AK7: variants seen among roughly 807,000 people sequenced by gnomAD.
AK7 encodes the protein adenylate kinase 7.
In AK7, 78 loss-of-function variants were observed where a neutral mutation model predicts 96.6. The observed-to-expected ratio is 0.81, with a 90% CI of 0.67 to 0.97. The LOEUF (loss-of-function observed/expected upper bound fraction) is 0.97, where lower values mean the gene tolerates loss of function less well. AK7 is among the 50% of genes least tolerant of loss of function. The pLI is 0.00. For synonymous variants in AK7, 302 were observed against 317.2 expected, an observed-to-expected ratio of 0.95 and a Z score of 0.51; for missense variants, 855 against 887.9, an observed-to-expected ratio of 0.96 and a Z score of 0.47.
chr14:96,413,235 G>A (rs972903243), intron 4 of AK7, among the ~76,000 whole-genome samples: 3 of 152,210 alleles, frequency 2.0e-5, no homozygotes, highest in African/African-American at 4.8e-5. Flanking sequence ...CACACTGTGA[G>A]AAGGCGAGCA....
chr14:96,477,628 C>T (rs1895258602), intron 14 of AK7, among the ~76,000 whole-genome samples: 1 of 152,216 alleles, frequency 6.6e-6, no homozygotes. Flanking sequence ...GGAGGAACAG[C>T]TGCTTTCACA....
At chr14:96,439,940 T>C (rs1255841377) in intron 6 of AK7, among the ~76,000 whole-genome samples, 1 of 152,022 alleles carries the variant, frequency 6.6e-6, no homozygotes, top group Non-Finnish European at 1.5e-5. Flanking sequence ...GAGAGGTTGG[T>C]TGAACTGATT....
In AK7 at chr14:96,487,102, T is replaced by C. The variant is rs1299803512; in HGVS notation, c.2133+46T>C. ...AAAAAGATCAATTTGAGTTTGGGTG[T>C]GGCGGCTTACACCTGTAATCCCAGC... On this transcript the variant is annotated intron_variant, in intron 17 of 17. Transcript: ENST00000267584. 12 of 1,601,080 alleles carry C rather than the reference T, an allele frequency of 7.5e-6. No homozygotes were observed. In the Admixed American group the frequency reaches 2.0e-4, roughly 27 times the overall value.
chr14:96,404,567 CTTCT>C (rs2139995830), intron 2 of AK7, among the ~76,000 whole-genome samples, 186 bp from the exon 3 acceptor site: 1 of 152,282 alleles, frequency 6.6e-6, no homozygotes, highest in Middle Eastern at 3.4e-3. Flanking sequence ...TTTTCATAAA[CTTCT>C]TTGTTACTTG....
intron 5 of AK7, among the ~76,000 whole-genome samples, chr14:96,432,626 T>C (rs1161226388): frequency 2.0e-5 from 3 of 152,114 alleles, no homozygotes; most frequent in East Asian, 3.9e-4. Flanking sequence ...AGGATTTTAT[T>C]TCTCCTTCAC....
chr14:96,411,518 A>AG (rs1232147382), intron 4 of AK7, among the ~76,000 whole-genome samples: 3 of 152,186 alleles, frequency 2.0e-5, no homozygotes, highest in Non-Finnish European at 4.4e-5. Context: ...CTCAAAAAAA[A>AG]AAATAAATAA....
intron 12 of AK7, among the ~76,000 whole-genome samples, chr14:96,470,123 A>T (rs1011407628): frequency 2.0e-5 from 3 of 151,870 alleles, no homozygotes; most frequent in Non-Finnish European, 4.4e-5. Flanking sequence ...CGCCCGGGAG[A>T]GGTGTTTTAA....
At chr14:96,435,848 A>G (rs1330037396) in intron 5 of AK7, among the ~76,000 whole-genome samples, 2 of 151,958 alleles carry the variant, frequency 1.3e-5, no homozygotes, top group Non-Finnish European at 2.9e-5. Context: ...ATGCCTCTCA[A>G]ATGCTGTGTT....
In AK7 at chr14:96,489,281, A is replaced by T. The variant is rs1456579665; in HGVS notation, c.*938A>T. ...CTGCAGCCACCACTATCTAGTCCAGAACTTTCTCATCACCCCAAATGGAAA... is the reference window on the plus strand; with the variant it reads ...CTGCAGCCACCACTATCTAGTCCAGTACTTTCTCATCACCCCAAATGGAAA... On this transcript the variant is annotated 3_prime_UTR_variant, in exon 18 of 18. Coordinates refer to ENST00000267584, the MANE Select transcript of AK7 (RefSeq NM_152327.5). 1 of 152,130 alleles carries T rather than the reference A, an allele frequency of 6.6e-6. No individual in the cohort carries two copies. Among genetic ancestry groups the T allele is most frequent in the Non-Finnish European group, 1.5e-5 (1 of 68,024 alleles). The allele number at this position is 152,130 out of a possible 1,614,324, so 9.4% of individuals were successfully genotyped here.
chr14:96,444,306 ATACAGAAGAGTCTTT>A (rs1252781070), intron 7 of AK7, among the ~76,000 whole-genome samples: 1 of 152,180 alleles, frequency 6.6e-6, no homozygotes, highest in Non-Finnish European at 1.5e-5. Context: ...GGTTTCAAAG[ATACAGAAGAGTCTTT>A]TACATTATTA....
rs1485461477 is a variant in AK7 at position 96,478,693 on chromosome 14, G to A, written c.1753+31G>A. The A allele has an allele frequency of 2.5e-6, 4 of 1,604,710 alleles. No individual in the cohort carries two copies. The Middle Eastern group carries it at 5.1e-4, about 203-fold the overall frequency. On this transcript the variant is annotated intron_variant, in intron 15 of 17. Coordinates refer to ENST00000267584, the MANE Select transcript of AK7 (RefSeq NM_152327.5). ...AAATGAATTCAAGGATAATGTGAAT[G>A]TCCAGGACCCCCAGCAAAGCTTGGT... is the stretch of plus-strand genomic sequence containing the variant.
intron 5 of AK7, among the ~76,000 whole-genome samples, chr14:96,425,394 G>GAGAC (rs1314315801): frequency 1.3e-5 from 2 of 151,808 alleles, no homozygotes; most frequent in African/African-American, 4.8e-5. Flanking sequence ...GGCAAAAGAG[G>GAGAC]AGACCCTAAT....
intron 10 of AK7, 89 bp from the exon 11 acceptor site, chr14:96,456,258 A>AAG: frequency 1.9e-6 from 2 of 1,071,152 alleles, no homozygotes; most frequent in Non-Finnish European, 2.5e-6. Flanking sequence ...AAAAAAAAAA[A>AAG]AAAGCACTCC....
Position 96,475,138 on chromosome 14 carries a change from G to A in AK7, c.1555+2383G>A, listed in dbSNP as rs546676208. Among the ~76,000 whole-genome samples, 66 of 152,208 alleles carry A rather than the reference G, an allele frequency of 4.3e-4. 1 individual carries two copies. The highest frequency in any genetic ancestry group is 6.6e-4 in the Non-Finnish European group (45 of 68,036). ...GACACAGTGCAAACACGTCTAAGAC[G>A]TAATCTATTTGGAACGTTAATCTGT... On this transcript the variant is annotated intron_variant, in intron 14 of 17. Coordinates refer to ENST00000267584, the MANE Select transcript of AK7 (RefSeq NM_152327.5).
intron 5 of AK7, among the ~76,000 whole-genome samples, chr14:96,431,390 G>A (rs1184814407): frequency 2.0e-5 from 3 of 151,966 alleles, no homozygotes; most frequent in Non-Finnish European, 4.4e-5. Flanking sequence ...TTCTCTTGTG[G>A]GTATTTAGTG....
At chr14:96,407,257 G>C (rs538866682) in intron 3 of AK7, among the ~76,000 whole-genome samples, 1 of 152,104 alleles carries the variant, frequency 6.6e-6, no homozygotes, top group Admixed American at 6.5e-5. Context: ...ACTAAAGCTC[G>C]GCAGGGCAGA....
intron 5 of AK7, among the ~76,000 whole-genome samples, chr14:96,433,303 A>G (rs1892458439): frequency 6.6e-6 from 1 of 152,218 alleles, no homozygotes; most frequent in Non-Finnish European, 1.5e-5. Flanking sequence ...ACTTTCAGGT[A>G]CGCCAATCAA....
At chr14:96,447,695 G>T (rs967894989) in intron 8 of AK7, among the ~76,000 whole-genome samples, 1 of 151,584 alleles carries the variant, frequency 6.6e-6, no homozygotes, top group Non-Finnish European at 1.5e-5. Flanking sequence ...TGTGATCTTA[G>T]CTCACTGCAA....
intron 13 of AK7, 32 bp downstream of exon 13, chr14:96,471,638 T>G: frequency 1.4e-6 from 2 of 1,454,718 alleles, no homozygotes; most frequent in Non-Finnish European, 1.8e-6. Context: ...TGAGTATTTA[T>G]ATTCAGATAA....
Sources: allele counts gnomAD v4.1 joint callset (sites outside exome capture counted in the v4.1 genomes callset), GRCh38; gene constraint gnomAD v4.1.1; transcripts MANE v1.5; gene names NCBI Gene and HGNC (gene_info 2026-07-23, HGNC 2026-07-21).